HCN1: variants seen among roughly 807,000 people sequenced by gnomAD.
HCN1 encodes the protein hyperpolarization activated cyclic nucleotide gated potassium channel 1, also known as potassium/sodium hyperpolarization-activated cyclic nucleotide-gated channel 1.
A neutral mutation model predicts 78.9 loss-of-function variants in HCN1; 13 were observed. That is an observed-to-expected ratio of 0.16 (90% CI 0.11 to 0.26). The LOEUF is 0.26. Among genes scored for constraint, HCN1 ranks in the 10% least tolerant of loss-of-function variants. HCN1 has a pLI of 1.00. For synonymous variants in HCN1, 552 were observed against 455.5 expected (o/e 1.21, Z -2.70); for missense variants, 810 against 1,154.3 (o/e 0.70, Z 4.32).
chr5:45,403,798 T>C (rs1311603355), intron 3 of HCN1, among the ~76,000 whole-genome samples: 1 of 152,224 alleles, frequency 6.6e-6, no homozygotes, highest in Non-Finnish European at 1.5e-5. Context: ...TACATGGTTC[T>C]AAACTGTTCA....
At chr5:45,588,380 T>C (rs984798443) in intron 2 of HCN1, among the ~76,000 whole-genome samples, 3 of 152,214 alleles carry the variant, frequency 2.0e-5, no homozygotes, top group Non-Finnish European at 4.4e-5. Context: ...GGATATTGTG[T>C]AATTTCGAAC....
chr5:45,620,054 T>A (rs1052157498), intron 2 of HCN1, among the ~76,000 whole-genome samples: 1 of 152,112 alleles, frequency 6.6e-6, no homozygotes, highest in Non-Finnish European at 1.5e-5. Context: ...GAGCACTTCA[T>A]CTAAGCAGCA....
chr5:45,311,101 C>G (rs1287541521), intron 5 of HCN1, among the ~76,000 whole-genome samples: 1 of 152,064 alleles, frequency 6.6e-6, no homozygotes, highest in African/African-American at 2.4e-5. Flanking sequence ...TACAACAAAC[C>G]CCCATTATCT....
At chr5:45,611,445 T>C (rs1744835328) in intron 2 of HCN1, among the ~76,000 whole-genome samples, 1 of 151,714 alleles carries the variant, frequency 6.6e-6, no homozygotes, top group South Asian at 2.1e-4. Flanking sequence ...CTAATGTTTG[T>C]ATTTTTTGTG....
At chr5:45,620,316 G>A (rs1213056248) in intron 2 of HCN1, among the ~76,000 whole-genome samples, 3 of 151,862 alleles carry the variant, frequency 2.0e-5, no homozygotes, top group Non-Finnish European at 4.4e-5. Flanking sequence ...AGCTAGTGTT[G>A]TACTAATGTA....
At chr5:45,592,410 C>A (rs568971696) in intron 2 of HCN1, among the ~76,000 whole-genome samples, 25 of 151,872 alleles carry the variant, frequency 1.6e-4, no homozygotes, top group Non-Finnish European at 3.2e-4. Flanking sequence ...TTGATATTAG[C>A]ATAATATTTT....
chr5:45,471,826 G>T (rs1475325437), intron 2 of HCN1, among the ~76,000 whole-genome samples: 1 of 151,708 alleles, frequency 6.6e-6, no homozygotes, highest in African/African-American at 2.4e-5. Flanking sequence ...AAATTATGTT[G>T]GACTGCTGTT....
At chr5:45,545,043 G>T (rs1360262419) in intron 2 of HCN1, among the ~76,000 whole-genome samples, 2 of 152,048 alleles carry the variant, frequency 1.3e-5, no homozygotes, top group Admixed American at 1.3e-4. Context: ...CACAATGGTT[G>T]AACTAGTTTA....
At chr5:45,468,134 T>C (rs1311594901) in intron 2 of HCN1, among the ~76,000 whole-genome samples, 1 of 152,168 alleles carries the variant, frequency 6.6e-6, no homozygotes, top group Non-Finnish European at 1.5e-5. Context: ...TACTTCAGGC[T>C]GACTTTATTT....
chr5:45,682,646 A>C (rs1417389115), intron 1 of HCN1, among the ~76,000 whole-genome samples: 1 of 152,092 alleles, frequency 6.6e-6, no homozygotes, highest in Non-Finnish European at 1.5e-5. Context: ...AAACAAACAA[A>C]AAAAAGCACC....
intron 6 of HCN1, among the ~76,000 whole-genome samples, chr5:45,289,904 C>T (rs899924039): frequency 6.6e-6 from 1 of 151,930 alleles, no homozygotes; most frequent in African/African-American, 2.4e-5. Context: ...TGTATTCTCT[C>T]ATGGTAGAAA....
intron 4 of HCN1, among the ~76,000 whole-genome samples, chr5:45,364,036 C>G (rs1022593373): frequency 6.6e-6 from 1 of 152,026 alleles, no homozygotes; most frequent in African/African-American, 2.4e-5. Flanking sequence ...CTAGGAGATT[C>G]CAAACTAAGA....
At chr5:45,628,627 A>C (rs925155630) in intron 2 of HCN1, among the ~76,000 whole-genome samples, 1 of 152,216 alleles carries the variant, frequency 6.6e-6, no homozygotes, top group Non-Finnish European at 1.5e-5. Context: ...TGATAAATAA[A>C]AAGACTCAAC....
intron 2 of HCN1, among the ~76,000 whole-genome samples, chr5:45,604,650 A>G (rs961058410): frequency 1.3e-5 from 2 of 152,014 alleles, no homozygotes; most frequent in Non-Finnish European, 2.9e-5. Context: ...GATTCACTTG[A>G]GCTAATGAAT....
intron 6 of HCN1, among the ~76,000 whole-genome samples, chr5:45,277,637 T>G (rs1455513485): frequency 6.6e-6 from 1 of 151,980 alleles, no homozygotes; most frequent in East Asian, 1.9e-4. Context: ...AAAGCAGTAT[T>G]TGTGTGTGTG....
At chr5:45,513,670 T>G (rs971335503) in intron 2 of HCN1, among the ~76,000 whole-genome samples, 2 of 152,160 alleles carry the variant, frequency 1.3e-5, no homozygotes, top group Non-Finnish European at 2.9e-5. Flanking sequence ...GGAATCTAGG[T>G]TGCACGTTAC....
At chr5:45,408,640 A>G (rs1371587736) in intron 3 of HCN1, among the ~76,000 whole-genome samples, 1 of 152,184 alleles carries the variant, frequency 6.6e-6, no homozygotes, top group Non-Finnish European at 1.5e-5. Context: ...ATGACATTAC[A>G]TTGCTAAGTA....
chr5:45,405,397 G>C (rs1308051043), intron 3 of HCN1, among the ~76,000 whole-genome samples: 1 of 152,012 alleles, frequency 6.6e-6, no homozygotes, highest in Non-Finnish European at 1.5e-5. Flanking sequence ...AATGACTTTT[G>C]ACTTAATTAA....
At chr5:45,522,161 A>T (rs1259784701) in intron 2 of HCN1, among the ~76,000 whole-genome samples, 1 of 152,016 alleles carries the variant, frequency 6.6e-6, no homozygotes, top group Admixed American at 6.6e-5. Context: ...TTACTTTCTT[A>T]ACAGTATTTC....
Sources: gnomAD v4.1 joint callset for allele counts (sites outside exome capture counted in the v4.1 genomes callset) on GRCh38, gnomAD v4.1.1 for gene constraint, MANE v1.5 for transcripts, NCBI Gene and HGNC (gene_info 2026-07-23, HGNC 2026-07-21) for gene names.